Variants in HS3ST5 observed in about 807,000 individuals in gnomAD.
The protein encoded by HS3ST5 is heparan sulfate glucosamine 3-O-sulfotransferase 5.
Under a neutral mutation model 25.4 loss-of-function variants are expected in HS3ST5, and 10 were observed. The observed-to-expected ratio is 0.39, with a 90% CI of 0.24 to 0.67. HS3ST5 has a LOEUF of 0.67. Among genes scored for constraint, HS3ST5 ranks in the 30% least tolerant of loss-of-function variants. The pLI, the probability that HS3ST5 is intolerant of heterozygous loss-of-function variation, is 0.44. For missense variants in HS3ST5, 324 were observed against 420.7 expected (o/e 0.77, Z 2.01); for synonymous variants, 170 against 162.4 (o/e 1.05, Z -0.36).
intron 2 of HS3ST5, among the ~76,000 whole-genome samples, chr6:114,188,140 T>C (rs1780315695): frequency 6.6e-6 from 1 of 152,188 alleles, no homozygotes; most frequent in Admixed American, 6.6e-5. Context: ...CTGTACTTTG[T>C]TATGGCAGCC....
chr6:114,090,127 G>A (rs1383143578), intron 3 of HS3ST5, among the ~76,000 whole-genome samples: 1 of 152,128 alleles, frequency 6.6e-6, no homozygotes, highest in Non-Finnish European at 1.5e-5. Context: ...AATGGAAGGC[G>A]AAAATAATGC....
intron 1 of HS3ST5, among the ~76,000 whole-genome samples, chr6:114,287,617 T>G (rs1355937563): frequency 6.6e-6 from 1 of 152,076 alleles, no homozygotes; most frequent in Non-Finnish European, 1.5e-5. Context: ...AGAAGCATTT[T>G]GACTTGCTAG....
chr6:114,227,162 T>C (rs1771337002), intron 2 of HS3ST5, among the ~76,000 whole-genome samples: 1 of 151,524 alleles, frequency 6.6e-6, no homozygotes, highest in African/African-American at 2.4e-5. Context: ...TACTCTATTA[T>C]TTTATGCAAA....
At chr6:114,331,223 T>G (rs995720552) in intron 1 of HS3ST5, among the ~76,000 whole-genome samples, 1 of 152,200 alleles carries the variant, frequency 6.6e-6, no homozygotes, top group East Asian at 1.9e-4. Context: ...ATCAGAAAGC[T>G]ACTAAAGTCA....
At chr6:114,113,097 C>T (rs1408166238) in intron 3 of HS3ST5, among the ~76,000 whole-genome samples, 1 of 152,150 alleles carries the variant, frequency 6.6e-6, no homozygotes, top group Non-Finnish European at 1.5e-5. Context: ...CTGGTAATTC[C>T]TGTTGTCTCT....
At chr6:114,315,865 C>T (rs1775726110) in intron 1 of HS3ST5, among the ~76,000 whole-genome samples, 3 of 152,162 alleles carry the variant, frequency 2.0e-5, no homozygotes, top group Admixed American at 1.3e-4. Context: ...AATCACCTTG[C>T]AGAGTGATAT....
intron 1 of HS3ST5, among the ~76,000 whole-genome samples, chr6:114,256,565 C>G (rs1273661453): frequency 6.6e-6 from 1 of 152,188 alleles, no homozygotes; most frequent in Non-Finnish European, 1.5e-5. Context: ...CATCTCTTTG[C>G]TAAAACATAG....
intron 1 of HS3ST5, among the ~76,000 whole-genome samples, chr6:114,252,695 C>G (rs79633027): frequency 0.012 from 1,818 of 151,980 alleles, 29 homozygotes; most frequent in African/African-American, 0.04. Flanking sequence ...CTGATCCTAT[C>G]TGAGGCTTAT....
chr6:114,105,414 T>A (rs897203216), intron 3 of HS3ST5, among the ~76,000 whole-genome samples: 4 of 152,172 alleles, frequency 2.6e-5, no homozygotes, highest in African/African-American at 9.7e-5. Flanking sequence ...TCGGTGCTGT[T>A]TTATATGATT....
chr6:114,341,455 C>T (rs1776867646), intron 1 of HS3ST5, among the ~76,000 whole-genome samples: 1 of 152,134 alleles, frequency 6.6e-6, no homozygotes, highest in African/African-American at 2.4e-5. Context: ...CTGGACGCTC[C>T]TTGCAGGTTG....
chr6:114,079,084 T>C (rs1774308986), intron 3 of HS3ST5, among the ~76,000 whole-genome samples: 1 of 152,234 alleles, frequency 6.6e-6, no homozygotes, highest in Non-Finnish European at 1.5e-5. Context: ...TGTAATCTTT[T>C]TGTTGATGGA....
chr6:114,334,548 T>C (rs1395608748), intron 1 of HS3ST5, among the ~76,000 whole-genome samples: 2 of 152,236 alleles, frequency 1.3e-5, no homozygotes, highest in Non-Finnish European at 2.9e-5. Context: ...TAGATTACAC[T>C]ATTATGTCTT....
intron 1 of HS3ST5, among the ~76,000 whole-genome samples, chr6:114,288,820 C>G (rs1774449342): frequency 6.6e-6 from 1 of 152,050 alleles, no homozygotes. Flanking sequence ...GTAATTCAGT[C>G]CAATAGTTAT....
intron 1 of HS3ST5, among the ~76,000 whole-genome samples, chr6:114,257,447 G>T (rs192666619): frequency 1.9e-3 from 283 of 152,254 alleles, no homozygotes; most frequent in African/African-American, 6.6e-3. Context: ...TAAGGTTCAG[G>T]GAGGTTAAAT....
At chr6:114,259,066 G>C (rs902603816) in intron 1 of HS3ST5, among the ~76,000 whole-genome samples, 2 of 152,138 alleles carry the variant, frequency 1.3e-5, no homozygotes, top group African/African-American at 4.8e-5. Context: ...AGTAGTAATG[G>C]TTAATGTTAG....
Position 114,286,090 on chromosome 6 carries a change from C to T in HS3ST5, c.-339+56105G>A, listed in dbSNP as rs888132243. 2.1e-4 allele frequency among the ~76,000 whole-genome samples: 32 copies of T among 151,688 alleles called. 1 individual carries two copies. The highest frequency in any genetic ancestry group is 6.8e-3 in the Middle Eastern group (2 of 292). On this transcript the variant is annotated intron_variant, in intron 1 of 4. Transcript: ENST00000312719. The stretch of plus-strand genomic sequence containing the variant: ...TAACAAGTGATACTTACTCCTTTCC[C>T]GGTGTCTACTTTTCAATAAAATTTC...
At chr6:114,128,035 A>G (rs1582631143) in intron 3 of HS3ST5, among the ~76,000 whole-genome samples, 2 of 151,944 alleles carry the variant, frequency 1.3e-5, no homozygotes, top group African/African-American at 4.8e-5. Context: ...GTAAAAGACA[A>G]TCACTTGAGA....
At chr6:114,149,771 A>C (rs1403888975) in intron 3 of HS3ST5, among the ~76,000 whole-genome samples, 3 of 152,224 alleles carry the variant, frequency 2.0e-5, no homozygotes, top group South Asian at 4.1e-4. Context: ...TTAGGTCAGC[A>C]CAAATTTTAA....
chr6:114,072,392 C>T (rs763440815), intron 3 of HS3ST5, among the ~76,000 whole-genome samples: 53 of 152,018 alleles, frequency 3.5e-4, no homozygotes, highest in Non-Finnish European at 4.9e-4. Context: ...CTGGCTCCTA[C>T]TTTGGAAGCC....
Sources: allele counts gnomAD v4.1 joint callset (sites outside exome capture counted in the v4.1 genomes callset), GRCh38; gene constraint gnomAD v4.1.1; transcripts MANE v1.5; gene names NCBI Gene and HGNC (gene_info 2026-07-23, HGNC 2026-07-21).